Variants in TCF4 observed in about 807,000 individuals in gnomAD.
TCF4 encodes the protein SL3-3 enhancer factor 2.
Under a neutral mutation model 82.1 loss-of-function variants are expected in TCF4, and 3 were observed. The ratio of observed to expected loss-of-function variants is 0.04; its 90% CI spans 0.02 to 0.09. The LOEUF (loss-of-function observed/expected upper bound fraction) is 0.09, where lower values mean the gene tolerates loss of function less well. TCF4 is among the 10% of genes least tolerant of loss of function. TCF4 has a pLI of 1.00. For synonymous variants in TCF4, 276 were observed against 309.6 expected (o/e 0.89, Z 1.14); for missense variants, 518 against 852.7 (o/e 0.61, Z 4.89).
chr18:55,365,973 TATAGATATAGATATAG>T (rs1569210536), intron 6 of TCF4, among the ~76,000 whole-genome samples: 50 of 14,254 alleles, frequency 3.5e-3, no homozygotes, highest in South Asian at 0.028. Context: ...TGTTTATAGA[TATAGATATAGATATAG>T]ATATAGATAT....
intron 6 of TCF4, among the ~76,000 whole-genome samples, chr18:55,357,555 A>G (rs1172966708): frequency 1.3e-5 from 2 of 152,228 alleles, no homozygotes; most frequent in Non-Finnish European, 2.9e-5. Flanking sequence ...CACTTTTGCT[A>G]TAAATATAAA....
chr18:55,365,455 A>G (rs73490856), intron 6 of TCF4, among the ~76,000 whole-genome samples: 4,882 of 151,768 alleles, frequency 0.032, 105 homozygotes, highest in African/African-American at 0.039. Flanking sequence ...GGTCAATTCC[A>G]CAAAGCAGAG....
At chr18:55,625,585 T>A (rs1004046358) in intron 2 of TCF4, among the ~76,000 whole-genome samples, 2 of 152,174 alleles carry the variant, frequency 1.3e-5, no homozygotes, top group African/African-American at 4.8e-5. Flanking sequence ...GCCATAAAAC[T>A]GTTTTTAAAA....
At chr18:55,585,122 T>C (rs2097626383) in intron 3 of TCF4, among the ~76,000 whole-genome samples, 158 bp downstream of exon 3, 1 of 152,218 alleles carries the variant, frequency 6.6e-6, no homozygotes, top group South Asian at 2.1e-4. Context: ...TAACATTTTG[T>C]GTAAGTTATA....
At chr18:55,502,255 T>C (rs1337977015) in intron 3 of TCF4, among the ~76,000 whole-genome samples, 1 of 152,202 alleles carries the variant, frequency 6.6e-6, no homozygotes, top group African/African-American at 2.4e-5. Flanking sequence ...CCCCTTATGG[T>C]CTGAAATCTA....
At chr18:55,337,922 G>A (rs1267365934) in intron 8 of TCF4, among the ~76,000 whole-genome samples, 3 of 151,796 alleles carry the variant, frequency 2.0e-5, no homozygotes, top group Admixed American at 6.6e-5. Flanking sequence ...CAGCTGTACT[G>A]GCCTCAAGAA....
intron 3 of TCF4, among the ~76,000 whole-genome samples, chr18:55,488,701 C>G (rs1427182177): frequency 6.6e-6 from 1 of 152,156 alleles, no homozygotes; most frequent in Admixed American, 6.5e-5. Context: ...CAGCCATCAC[C>G]AAGTAAAACA....
chr18:55,336,304 T>C (rs2078624076), intron 8 of TCF4, among the ~76,000 whole-genome samples: 1 of 149,472 alleles, frequency 6.7e-6, no homozygotes, highest in South Asian at 2.1e-4. Context: ...TGTGTATACA[T>C]TTTTTTTTAC....
intron 15 of TCF4, among the ~76,000 whole-genome samples, chr18:55,239,530 C>T (rs573422444): frequency 2.0e-5 from 3 of 152,250 alleles, no homozygotes; most frequent in South Asian, 2.1e-4. Flanking sequence ...CATGTATACA[C>T]ACACCTAGGT....
At chr18:55,355,487 G>C (rs1456491472) in intron 6 of TCF4, among the ~76,000 whole-genome samples, 4 of 152,094 alleles carry the variant, frequency 2.6e-5, no homozygotes, top group Non-Finnish European at 4.4e-5. Flanking sequence ...GTAGCAGGAG[G>C]GGGGCGATAA....
chr18:55,343,947 T>G (rs901492149), intron 8 of TCF4, among the ~76,000 whole-genome samples: 1 of 152,150 alleles, frequency 6.6e-6, no homozygotes, highest in African/African-American at 2.4e-5. Flanking sequence ...AATTTTATGT[T>G]CAGTTTAATA....
chr18:55,572,448 G>A (rs1406749987), intron 3 of TCF4, among the ~76,000 whole-genome samples: 1 of 152,042 alleles, frequency 6.6e-6, no homozygotes, highest in South Asian at 2.1e-4. Flanking sequence ...GAGAGAGGTG[G>A]TCAACAGAAG....
upstream of TCF4, chr18:55,588,202 G>T: frequency 7.8e-7 from 1 of 1,276,900 alleles, no homozygotes; most frequent in Non-Finnish European, 9.9e-7. Context: ...CAGACACACA[G>T]CCAAGATCCC....
chr18:55,235,702 C>A (rs2049150227), intron 15 of TCF4, among the ~76,000 whole-genome samples: 1 of 152,190 alleles, frequency 6.6e-6, no homozygotes, highest in African/African-American at 2.4e-5. Flanking sequence ...ATTTTCTTTT[C>A]TATTTCCAAG....
intron 10 of TCF4, among the ~76,000 whole-genome samples, 169 bp from the exon 11 acceptor site, chr18:55,270,132 A>T (rs1183657709): frequency 6.6e-6 from 1 of 152,194 alleles, no homozygotes; most frequent in Non-Finnish European, 1.5e-5. Flanking sequence ...CATTTTTCAA[A>T]TAATAAGTTA....
intron 8 of TCF4, among the ~76,000 whole-genome samples, chr18:55,311,398 G>A (rs904250816): frequency 6.6e-6 from 1 of 152,162 alleles, no homozygotes; most frequent in African/African-American, 2.4e-5. Context: ...AGCCCTAGAT[G>A]CCAGTAGCAA....
upstream of TCF4, chr18:55,589,379 G>C (rs1011660835): frequency 9.5e-7 from 1 of 1,054,118 alleles, no homozygotes; most frequent in African/African-American, 1.7e-5. Flanking sequence ...CAAGTACTTA[G>C]TATCTCACAT....
upstream of TCF4, chr18:55,589,354 G>A (rs1018231275): frequency 9.5e-7 from 1 of 1,053,298 alleles, no homozygotes; most frequent in African/African-American, 1.7e-5. Flanking sequence ...TAAAAAGAGA[G>A]ACAAAAATCT....
rs772454322 is a variant in TCF4 at position 55,225,429 on chromosome 18, T to C, written c.*2606A>G. On this transcript the variant is annotated 3_prime_UTR_variant, in exon 20 of 20. Coordinates refer to ENST00000354452, the MANE Select transcript of TCF4 (RefSeq NM_001083962.2). ...TAACATGTATCAAAAGTGCCATTCT[T>C]AAAATGTACATCAATGCAGGGAGTG... 1.3e-5 allele frequency: 2 copies of C among 152,614 alleles called. No individual in the cohort carries two copies. The highest frequency in any genetic ancestry group is 2.9e-5 in the Non-Finnish European group (2 of 68,006). The allele number at this position is 152,614 out of a possible 1,614,324, so 9.5% of individuals were successfully genotyped here.
Sources: gnomAD v4.1 joint callset for allele counts (sites outside exome capture counted in the v4.1 genomes callset) on GRCh38, gnomAD v4.1.1 for gene constraint, MANE v1.5 for transcripts, NCBI Gene and HGNC (gene_info 2026-07-23, HGNC 2026-07-21) for gene names.